The following OSBPL10 variants were observed in gnomAD, a reference collection of about 807,000 sequenced individuals.
The protein encoded by OSBPL10 is oxysterol binding protein like 10.
A neutral mutation model predicts 81.7 loss-of-function variants in OSBPL10; 49 were observed. The observed-to-expected ratio is 0.60, with a 90% CI of 0.48 to 0.76. OSBPL10 has a LOEUF of 0.76. OSBPL10 is among the 30% of genes least tolerant of loss of function. The pLI is 0.00. For synonymous variants in OSBPL10, 419 were observed against 383.6 expected (o/e 1.09, Z -1.08); for missense variants, 923 against 987.8 (o/e 0.93, Z 0.88).
intron 6 of OSBPL10, chr3:31,704,897 A>G (rs1023619337): frequency 2.0e-5 from 3 of 152,266 alleles, no homozygotes; most frequent in African/African-American, 7.2e-5. Context: ...ATCCAGCCGC[A>G]TGATACGGAG....
intron 1 of OSBPL10, among the ~76,000 whole-genome samples, chr3:31,941,489 C>T (rs1334269190): frequency 6.6e-6 from 1 of 152,170 alleles, no homozygotes; most frequent in Non-Finnish European, 1.5e-5. Context: ...ACAGAAGCAG[C>T]TAGGAGCCAA....
chr3:31,800,097 G>A (rs1699343179), intron 4 of OSBPL10, among the ~76,000 whole-genome samples: 1 of 152,178 alleles, frequency 6.6e-6, no homozygotes, highest in African/African-American at 2.4e-5. Context: ...GAAGTTTTGG[G>A]CAGAAAATGG....
rs1223174164 is a variant in OSBPL10 at position 31,812,818 on chromosome 3, G to GAAAGAAAGAAAA, written c.729+17221_729+17222insTTTTCTTTCTTT. 1.5e-4 allele frequency among the ~76,000 whole-genome samples: 4 copies of GAAAGAAAGAAAA among 25,882 alleles called. 1 individual carries two copies. The highest frequency in any genetic ancestry group is 2.1e-4 in the Non-Finnish European group (3 of 14,124). 17.0% of individuals were successfully genotyped at this position (25,882 alleles called of 152,430 possible). On this transcript the variant is annotated intron_variant, in intron 4 of 11. Coordinates refer to ENST00000396556, the MANE Select transcript of OSBPL10 (RefSeq NM_017784.5). Reference sequence around the variant, plus strand: ...AGAAAGAAAGAAAGAAAGAAAGAAAGAGAAAGAAAGAAAGAAAGAAAGAAA... The same window carrying GAAAGAAAGAAAA: ...AGAAAGAAAGAAAGAAAGAAAGAAAGAAAGAAAGAAAAAGAAAGAAAGAAAGAAAGAAAGAAA...
chr3:32,066,139 GGGAAGAAA>G lies in OSBPL10; in HGVS notation n.185+11249_185+11256del, dbSNP rs1209079159. 2.1e-3 allele frequency among the ~76,000 whole-genome samples: 145 copies of G among 70,064 alleles called. 20 individuals carry two copies. Among genetic ancestry groups the G allele is most frequent in the African/African-American group, 4.7e-3 (126 of 26,878 alleles). 46.0% of individuals were successfully genotyped at this position (70,064 alleles called of 152,430 possible). On this transcript the variant is annotated intron_variant and non_coding_transcript_variant, in intron 1 of 3. Transcript: ENST00000479173. ...GACCCTGAAGAAAGAGAGAGAGAAAGGGAAGAAAGGAAGAAAGGAAGAAAGGAAGGAAG... is the reference window on the plus strand; with the variant it reads ...GACCCTGAAGAAAGAGAGAGAGAAAGGGAAGAAAGGAAGAAAGGAAGGAAG...
intron 1 of OSBPL10, among the ~76,000 whole-genome samples, chr3:31,946,929 G>A (rs1359663070): frequency 6.6e-6 from 1 of 152,140 alleles, no homozygotes; most frequent in Non-Finnish European, 1.5e-5. Flanking sequence ...AAGGAGCATC[G>A]AAACAAAGAC....
At chr3:31,982,788 G>A (rs956888894), upstream of OSBPL10, among the ~76,000 whole-genome samples, 1 of 152,186 alleles carries the variant, frequency 6.6e-6, no homozygotes, top group Non-Finnish European at 1.5e-5. Context: ...AATGATACCG[G>A]CTGTAATAAA....
intron 5 of OSBPL10, among the ~76,000 whole-genome samples, chr3:31,747,675 G>A (rs1697568739): frequency 6.6e-6 from 1 of 152,030 alleles, no homozygotes; most frequent in Non-Finnish European, 1.5e-5. Context: ...AAACAGTAGA[G>A]GAAGGGCAGG....
chr3:31,692,133 C>T (rs577163039), intron 7 of OSBPL10, among the ~76,000 whole-genome samples: 2 of 152,188 alleles, frequency 1.3e-5, no homozygotes, highest in South Asian at 4.2e-4. Context: ...TGAAGTTAAT[C>T]CCTGTGTTTT....
intron 3 of OSBPL10, among the ~76,000 whole-genome samples, chr3:31,857,188 AC>A (rs946254431): frequency 1.3e-5 from 2 of 152,176 alleles, no homozygotes; most frequent in African/African-American, 4.8e-5. Flanking sequence ...TAATCAGCCA[AC>A]CACCCCAGCA....
intron 8 of OSBPL10, among the ~76,000 whole-genome samples, chr3:31,675,717 G>A (rs374746473): frequency 6.4e-4 from 98 of 152,192 alleles, no homozygotes; most frequent in East Asian, 2.3e-3. Context: ...AGGCTGAGGC[G>A]GGTGGATCAC....
At chr3:31,743,681 G>C (rs2125688826) in intron 5 of OSBPL10, among the ~76,000 whole-genome samples, 1 of 152,254 alleles carries the variant, frequency 6.6e-6, no homozygotes, top group Admixed American at 6.5e-5. Flanking sequence ...AACAGTGCAA[G>C]GATCAGAAGG....
intron 1 of OSBPL10, among the ~76,000 whole-genome samples, chr3:31,958,293 G>GA (rs1251454867): frequency 2.6e-5 from 4 of 152,114 alleles, no homozygotes; most frequent in Admixed American, 6.5e-5. Flanking sequence ...TCTTGCAATT[G>GA]AAAAAAGTTA....
upstream of OSBPL10, among the ~76,000 whole-genome samples, chr3:31,985,726 G>A (rs1221560018): frequency 2.0e-5 from 3 of 152,208 alleles, no homozygotes; most frequent in East Asian, 1.9e-4. Context: ...GGTCATGTCT[G>A]TGTTAGAAAC....
Position 31,730,357 on chromosome 3 carries a change from G to GA in OSBPL10, c.1095+2899dup, listed in dbSNP as rs796750527. Among the ~76,000 whole-genome samples, 66 of 143,450 alleles carry GA rather than the reference G, an allele frequency of 4.6e-4. 1 individual carries two copies. The highest frequency in any genetic ancestry group is 7.3e-3 in the Middle Eastern group (2 of 274). The allele number at this position is 143,450 out of a possible 152,430, so 94.1% of individuals were successfully genotyped here. On this transcript the variant is annotated intron_variant, in intron 6 of 11. Coordinates refer to ENST00000396556, the MANE Select transcript of OSBPL10 (RefSeq NM_017784.5). ...AAAAAAAAATCTCCAAAAAAAGGGG[G>GA]AAAAAAAAAAAGAAAAAGTCAAGAG...
intron 2 of OSBPL10, among the ~76,000 whole-genome samples, chr3:32,031,121 G>A (rs190348038): frequency 1.3e-5 from 2 of 151,422 alleles, no homozygotes; most frequent in Non-Finnish European, 2.9e-5. Flanking sequence ...GCTGAGTCGT[G>A]ACACTGCACT....
At chr3:31,865,160 C>G (rs1701146461) in intron 3 of OSBPL10, among the ~76,000 whole-genome samples, 1 of 152,226 alleles carries the variant, frequency 6.6e-6, no homozygotes, top group Non-Finnish European at 1.5e-5. Flanking sequence ...AGAGACAAAA[C>G]TAGATATTGG....
intron 3 of OSBPL10, among the ~76,000 whole-genome samples, chr3:31,839,296 T>G (rs1700436851): frequency 6.6e-6 from 1 of 152,184 alleles, no homozygotes. Flanking sequence ...AAAAGCAACC[T>G]GGCACAACAT....
chr3:31,682,647 C>G (rs575936213), intron 8 of OSBPL10, among the ~76,000 whole-genome samples: 2 of 152,230 alleles, frequency 1.3e-5, no homozygotes, highest in Non-Finnish European at 2.9e-5. Context: ...CTTCCCCGGA[C>G]CCCCACCTGC....
chr3:31,754,671 T>C (rs990184013), intron 4 of OSBPL10, among the ~76,000 whole-genome samples: 3 of 152,156 alleles, frequency 2.0e-5, no homozygotes, highest in Non-Finnish European at 4.4e-5. Context: ...GTAAACACTT[T>C]AGGTTTTGCA....
Sources: allele counts gnomAD v4.1 joint callset (sites outside exome capture counted in the v4.1 genomes callset), GRCh38; gene constraint gnomAD v4.1.1; transcripts MANE v1.5; gene names NCBI Gene and HGNC (gene_info 2026-07-23, HGNC 2026-07-21).